The following ITGB6 variants were observed in gnomAD, a reference collection of about 807,000 sequenced individuals.
ITGB6 encodes the protein integrin beta-6.
In ITGB6, 80 loss-of-function variants were observed where a neutral mutation model predicts 84.5. The ratio of observed to expected loss-of-function variants is 0.95; its 90% CI spans 0.79 to 1.14. The LOEUF (loss-of-function observed/expected upper bound fraction) is 1.14. Ranked by LOEUF, ITGB6 falls within the 50% of genes most tolerant of loss-of-function variation. ITGB6 has a pLI of 0.00. For synonymous variants in ITGB6, 383 were observed against 354.9 expected (o/e 1.08, Z -0.89); for missense variants, 1,006 against 968.0 (o/e 1.04, Z -0.52).
At chr2:160,134,153 A>G (rs181665626) in intron 10 of ITGB6, among the ~76,000 whole-genome samples, 10,693 of 152,142 alleles carry the variant, frequency 0.07, 557 homozygotes, top group East Asian at 0.21. Context: ...TTGATAGACC[A>G]CTAGCAAGAC....
At chr2:160,144,542 C>T (rs1011608890) in intron 7 of ITGB6, among the ~76,000 whole-genome samples, 3 of 152,174 alleles carry the variant, frequency 2.0e-5, no homozygotes, top group Non-Finnish European at 4.4e-5. Context: ...CCAGAAGAGA[C>T]GGCAGAGGGA....
chr2:160,141,245 C>T, intron 8 of ITGB6, among the ~76,000 whole-genome samples: 1 of 150,444 alleles, frequency 6.6e-6, no homozygotes, highest in African/African-American at 2.5e-5. Context: ...GTGTGTATTT[C>T]TTTGTAAGTA....
chr2:160,128,695 G>C (rs1326164944), intron 10 of ITGB6, among the ~76,000 whole-genome samples: 2 of 152,140 alleles, frequency 1.3e-5, no homozygotes, highest in African/African-American at 4.8e-5. Flanking sequence ...TTCTCCCCCA[G>C]GTGACTAGAC....
At chr2:160,128,962 G>C (rs1683345755) in intron 10 of ITGB6, among the ~76,000 whole-genome samples, 1 of 152,106 alleles carries the variant, frequency 6.6e-6, no homozygotes, top group Non-Finnish European at 1.5e-5. Context: ...TTAGGGAAAG[G>C]TGGTACTTGA....
At chr2:160,124,701 A>G (rs1400066574) in intron 11 of ITGB6, among the ~76,000 whole-genome samples, 1 of 152,202 alleles carries the variant, frequency 6.6e-6, no homozygotes, top group African/African-American at 2.4e-5. Context: ...ATGGAAATGT[A>G]TGCTCTGCTA....
Position 160,199,230 on chromosome 2 carries a change from G to A in ITGB6, c.90C>T (p.Thr30=), listed in dbSNP as rs922898664. 3 of 1,614,012 alleles carry A rather than the reference G, an allele frequency of 1.9e-6. No homozygotes were observed. Among genetic ancestry groups the A allele is most frequent in the Non-Finnish European group, 2.5e-6 (3 of 1,180,004 alleles). ...QGGCALGGAE[T]CEDCLLIGPQ... ...GTCCAATAAGCAGGCAGTCTTCACA[G>A]GTTTCTGCACCTCCCAGGGCACAGC... The change falls in exon 2 of 15, where the codon ACC becomes ACT. Residue 30 remains threonine, a synonymous_variant. Coordinates refer to ENST00000283249, the MANE Select transcript of ITGB6 (RefSeq NM_000888.5).
intron 7 of ITGB6, among the ~76,000 whole-genome samples, chr2:160,167,092 G>A (rs1385978865): frequency 6.6e-6 from 1 of 152,138 alleles, no homozygotes; most frequent in African/African-American, 2.4e-5. Context: ...CCACTTAATT[G>A]CTTTATTTAT....
At chr2:160,186,372 T>C (rs748517050) in intron 4 of ITGB6, among the ~76,000 whole-genome samples, 1 of 151,272 alleles carries the variant, frequency 6.6e-6, no homozygotes, top group Non-Finnish European at 1.5e-5. Context: ...AAAAAGCTCA[T>C]CATCACTGGT....
chr2:160,123,767 A>G (rs1354728090), intron 12 of ITGB6, 24 bp downstream of exon 12: 3 of 1,590,800 alleles, frequency 1.9e-6, no homozygotes, highest in Non-Finnish European at 1.7e-6. Context: ...AAGGAAATGA[A>G]AAACAATTTA....
chr2:160,154,587 A>T (rs531096418), intron 7 of ITGB6, among the ~76,000 whole-genome samples: 11 of 152,340 alleles, frequency 7.2e-5, no homozygotes, highest in African/African-American at 2.6e-4. Flanking sequence ...TATAAAAAGA[A>T]AGAGTTGAAC....
intron 7 of ITGB6, among the ~76,000 whole-genome samples, chr2:160,152,540 G>A (rs1684466577): frequency 6.6e-6 from 1 of 152,144 alleles, no homozygotes; most frequent in African/African-American, 2.4e-5. Context: ...ACTGGCACAA[G>A]ACAGGGATGC....
At chr2:160,136,190 A>C (rs922353914) in intron 10 of ITGB6, among the ~76,000 whole-genome samples, 2 of 152,216 alleles carry the variant, frequency 1.3e-5, no homozygotes, top group Non-Finnish European at 2.9e-5. Flanking sequence ...TCTACAAAGA[A>C]CTCAAACAAA....
intron 10 of ITGB6, among the ~76,000 whole-genome samples, chr2:160,130,831 T>C (rs1327349794): frequency 4.6e-5 from 7 of 152,218 alleles, no homozygotes; most frequent in Non-Finnish European, 8.8e-5. Flanking sequence ...AAATGAAAGA[T>C]GCATTTCCAA....
At chr2:160,110,930 T>C (rs542584802) in intron 13 of ITGB6, among the ~76,000 whole-genome samples, 1 of 152,312 alleles carries the variant, frequency 6.6e-6, no homozygotes, top group South Asian at 2.1e-4. Context: ...GTGACTCTTG[T>C]TAAGCCTCCG....
At chr2:160,196,532 G>T (rs1686346789) in intron 2 of ITGB6, 112 bp from the exon 3 acceptor site, 2 of 842,652 alleles carry the variant, frequency 2.4e-6, no homozygotes, top group Non-Finnish European at 3.7e-6. Context: ...TAAGCATCTT[G>T]CCATATTGTA....
intron 7 of ITGB6, among the ~76,000 whole-genome samples, chr2:160,164,147 T>G (rs1684917804): frequency 6.6e-6 from 1 of 152,158 alleles, no homozygotes; most frequent in Admixed American, 6.5e-5. Context: ...CCTCATTCTG[T>G]TTTTATAGGC....
Position 160,137,676 on chromosome 2 carries a change from G to A in ITGB6, c.1418C>T (p.Ser473Phe), listed in dbSNP as rs765694694. 4.0e-5 allele frequency: 64 copies of A among 1,614,090 alleles called. No individual in the cohort carries two copies. Among genetic ancestry groups the A allele is most frequent in the Non-Finnish European group, 5.2e-5 (61 of 1,180,040 alleles). The change falls in exon 10 of 15, where the codon TCT (serine) becomes TTT (phenylalanine). Residue 473 changes from serine to phenylalanine, a missense_variant. Physicochemically the swap from Ser to Phe is radical, Grantham distance 155 (BLOSUM62 -2). Transcript: ENST00000283249. The stretch of plus-strand genomic sequence containing the variant: ...GCAGGCACACACCCCACACTGGAAA[G>A]AGCCGTTCCCGTGGTGACATTTGGA... ...NSSKCHHGNG[S>F]FQCGVCACHP...
At chr2:160,117,400 G>T (rs963538325) in intron 12 of ITGB6, among the ~76,000 whole-genome samples, 2 of 151,930 alleles carry the variant, frequency 1.3e-5, no homozygotes, top group African/African-American at 4.8e-5. Flanking sequence ...TGAACAACCT[G>T]CTCCTGAATG....
In ITGB6 at chr2:160,153,802, C is replaced by T. The variant is rs188067823; in HGVS notation, c.1018-11731G>A. ...TGAACAGACACTTCTCAAAAGAAGA[C>T]ATTTATGCAGCCAACAGACACATGA... On this transcript the variant is annotated intron_variant, in intron 7 of 14. Transcript: ENST00000283249. 6.7e-4 allele frequency among the ~76,000 whole-genome samples: 102 copies of T among 152,260 alleles called. 1 individual carries two copies. The highest frequency in any genetic ancestry group is 2.4e-3 in the African/African-American group (98 of 41,548).
Sources: gnomAD v4.1 joint callset for allele counts (sites outside exome capture counted in the v4.1 genomes callset) on GRCh38, gnomAD v4.1.1 for gene constraint, MANE v1.5 for transcripts, NCBI Gene and HGNC (gene_info 2026-07-23, HGNC 2026-07-21) for gene names.